The following NTM variants were observed in gnomAD, a reference collection of about 807,000 sequenced individuals.
The protein encoded by NTM is neurotrimin, also known as IgLON family member 2.
A neutral mutation model predicts 42.1 loss-of-function variants in NTM; 13 were observed. The observed-to-expected ratio is 0.31, with a 90% CI of 0.20 to 0.49. The LOEUF is 0.49. Ranked by LOEUF, NTM falls within the 20% of genes least tolerant of loss-of-function variation. The pLI, the probability that NTM is intolerant of heterozygous loss-of-function variation, is 0.99. For synonymous variants in NTM, 187 were observed against 179.2 expected, an observed-to-expected ratio of 1.04 and a Z score of -0.35; for missense variants, 373 against 452.8, an observed-to-expected ratio of 0.82 and a Z score of 1.60.
intron 3 of NTM, among the ~76,000 whole-genome samples, chr11:132,195,939 G>C (rs139557490): frequency 1.6e-4 from 25 of 152,138 alleles, no homozygotes; most frequent in Non-Finnish European, 2.9e-4. Flanking sequence ...TAGCAACAGA[G>C]CCCCAAATTG....
At chr11:131,962,915 G>C (rs1379259637) in intron 2 of NTM, among the ~76,000 whole-genome samples, 1 of 152,142 alleles carries the variant, frequency 6.6e-6, no homozygotes, top group East Asian at 1.9e-4. Flanking sequence ...TTCATTAATA[G>C]GTCGGATAGT....
rs78958874 is a variant in NTM at position 132,103,373 on chromosome 11, G to A, written c.168-42909G>A. ...CTATTGCGCTGGCATTTCTAATCTC[G>A]GGCATTTTGTTGCTGTGGAGCACAC... On this transcript the variant is annotated intron_variant, in intron 2 of 8. Coordinates refer to ENST00000683400, the MANE Select transcript of NTM (RefSeq NM_001352005.2). Among the ~76,000 whole-genome samples the A allele has an allele frequency of 1.5e-3, 230 of 152,278 alleles. 2 individuals carry two copies. In the East Asian group the frequency reaches 0.031, roughly 20 times the overall value.
intron 1 of NTM, among the ~76,000 whole-genome samples, chr11:131,585,464 A>AC (rs1466604136): frequency 6.6e-6 from 1 of 151,296 alleles, no homozygotes; most frequent in Admixed American, 6.6e-5. Context: ...GGTAGAGGGG[A>AC]CCCCCCAGCA....
intron 2 of NTM, among the ~76,000 whole-genome samples, chr11:131,959,393 C>T (rs569321773): frequency 3.9e-5 from 6 of 152,122 alleles, no homozygotes; most frequent in Non-Finnish European, 5.9e-5. Context: ...TTTGGGAGGC[C>T]GAGGTGGGAG....
intron 1 of NTM, among the ~76,000 whole-genome samples, chr11:131,765,822 C>G (rs2085007227): frequency 6.6e-6 from 1 of 152,158 alleles, no homozygotes; most frequent in Admixed American, 6.5e-5. Context: ...GGGCCAAGAT[C>G]GAGGACTGCA....
chr11:131,690,734 AG>A (rs1437627058), intron 1 of NTM, among the ~76,000 whole-genome samples: 1 of 152,220 alleles, frequency 6.6e-6, no homozygotes, highest in Non-Finnish European at 1.5e-5. Context: ...TGCTAAGCGT[AG>A]GCCGTGGCCC....
chr11:131,844,912 G>T (rs1195799027), intron 1 of NTM, among the ~76,000 whole-genome samples: 1 of 152,006 alleles, frequency 6.6e-6, no homozygotes, highest in Non-Finnish European at 1.5e-5. Context: ...GCAGTTTGTT[G>T]TTTTCTTTTC....
chr11:131,881,510 C>CACACACACACACACACA (rs67919649), intron 1 of NTM, among the ~76,000 whole-genome samples: 11 of 145,316 alleles, frequency 7.6e-5, no homozygotes, highest in African/African-American at 2.3e-4. Context: ...ACACACACAC[C>CACACACACACACACACA]CCCCAAAGCT....
At chr11:132,221,525 G>C (rs975700071) in intron 4 of NTM, among the ~76,000 whole-genome samples, 1 of 152,124 alleles carries the variant, frequency 6.6e-6, no homozygotes, top group Non-Finnish European at 1.5e-5. Context: ...GCTGTGCTGG[G>C]TAGTGTAGTT....
At chr11:131,602,147 A>G (rs557804161) in intron 1 of NTM, among the ~76,000 whole-genome samples, 9 of 152,346 alleles carry the variant, frequency 5.9e-5, no homozygotes, top group African/African-American at 1.9e-4. Flanking sequence ...GGCAGGCTGT[A>G]CCAGGATGGT....
chr11:131,867,948 T>A (rs967915035), intron 1 of NTM, among the ~76,000 whole-genome samples: 11 of 152,124 alleles, frequency 7.2e-5, no homozygotes, highest in Admixed American at 7.2e-4. Context: ...AATGACCATG[T>A]TGAGTGGAAG....
intron 1 of NTM, among the ~76,000 whole-genome samples, chr11:131,559,030 C>T (rs1180443217): frequency 1.3e-5 from 2 of 152,110 alleles, no homozygotes; most frequent in Non-Finnish European, 2.9e-5. Flanking sequence ...TTCTGTGATG[C>T]TTGAATATTT....
chr11:132,230,355 T>C (rs1304865731), intron 4 of NTM, among the ~76,000 whole-genome samples: 1 of 152,142 alleles, frequency 6.6e-6, no homozygotes, highest in East Asian at 1.9e-4. Flanking sequence ...CATATTATTA[T>C]CTATATTCAA....
intron 4 of NTM, among the ~76,000 whole-genome samples, chr11:132,271,397 C>A (rs1254494717): frequency 1.3e-5 from 2 of 152,102 alleles, no homozygotes; most frequent in Non-Finnish European, 2.9e-5. Context: ...ATTTTCTTTT[C>A]TCTTGGTTTT....
At chr11:131,864,118 A>G (rs1011144076) in intron 1 of NTM, among the ~76,000 whole-genome samples, 8 of 152,144 alleles carry the variant, frequency 5.3e-5, no homozygotes, top group African/African-American at 9.7e-5. Context: ...TCAATCACAC[A>G]ATTACCCTGA....
At chr11:131,620,873 A>G (rs2062456073) in intron 1 of NTM, among the ~76,000 whole-genome samples, 1 of 152,188 alleles carries the variant, frequency 6.6e-6, no homozygotes, top group Non-Finnish European at 1.5e-5. Context: ...GTCCACTAAT[A>G]TATTCTCCAT....
chr11:131,512,214 T>G (rs547437686), intron 1 of NTM, among the ~76,000 whole-genome samples: 1 of 152,360 alleles, frequency 6.6e-6, no homozygotes, highest in East Asian at 1.9e-4. Flanking sequence ...AGTGGGTGCA[T>G]GCACACGGTG....
intron 4 of NTM, among the ~76,000 whole-genome samples, chr11:132,282,920 T>C (rs935506695): frequency 1.3e-5 from 2 of 151,256 alleles, no homozygotes; most frequent in African/African-American, 4.8e-5. Context: ...TTTATCAACA[T>C]GTGTTCATAT....
intron 1 of NTM, among the ~76,000 whole-genome samples, chr11:131,655,519 C>T (rs554628798): frequency 2.5e-4 from 38 of 152,324 alleles, no homozygotes; most frequent in African/African-American, 7.9e-4. Flanking sequence ...GTCTCTGGCT[C>T]GGTTGTTTCT....
Sources: allele counts gnomAD v4.1 joint callset (sites outside exome capture counted in the v4.1 genomes callset), GRCh38; gene constraint gnomAD v4.1.1; transcripts MANE v1.5; gene names NCBI Gene and HGNC (gene_info 2026-07-23, HGNC 2026-07-21).